TRIOBP: variants seen among roughly 807,000 people sequenced by gnomAD.
The protein encoded by TRIOBP is TRIO and F-actin binding protein.
A neutral mutation model predicts 238.8 loss-of-function variants in TRIOBP; 169 were observed. The ratio of observed to expected loss-of-function variants is 0.71; its 90% CI spans 0.62 to 0.80. The LOEUF (loss-of-function observed/expected upper bound fraction) is 0.80. Among genes scored for constraint, TRIOBP ranks in the 30% least tolerant of loss-of-function variants. The probability of loss-of-function intolerance (pLI) is 0.00; values close to 1 mark genes in which losing one functional copy is unlikely to be tolerated. For synonymous variants in TRIOBP, 1,150 were observed against 1,274.4 expected (o/e 0.90, Z 2.08); for missense variants, 2,838 against 3,122.6 (o/e 0.91, Z 2.17).
Position 37,754,907 on chromosome 22 carries a change from A to G in TRIOBP, c.5410A>G (p.Thr1804Ala), listed in dbSNP as rs752638945. The G allele has an allele frequency of 2.5e-6, 4 of 1,613,982 alleles. No individual in the cohort carries two copies. Among genetic ancestry groups the G allele is most frequent in the African/African-American group, 2.7e-5 (2 of 74,970 alleles). ...PPSPSLTTTS[T>A]SQWKKHWFVL... ...CTCCCCCTCGCTCACCACCACCTCT[A>G]CTTCGCAGTGGAAGAAACATTGGTT... Residue 1804 changes from threonine to alanine, a missense_variant, in exon 13 of 24, where the codon ACT becomes GCT. Physicochemically the swap from Thr to Ala is moderately conservative, Grantham distance 58. Transcript: ENST00000644935.
chr22:37,763,133 C>G (rs1926322527), intron 17 of TRIOBP, among the ~76,000 whole-genome samples: 1 of 152,282 alleles, frequency 6.6e-6, no homozygotes, highest in Admixed American at 6.5e-5. Flanking sequence ...TGGTCTGGCC[C>G]TCTTCAGAAG....
intron 11 of TRIOBP, among the ~76,000 whole-genome samples, chr22:37,742,150 G>A (rs966016096): frequency 2.0e-5 from 3 of 151,676 alleles, no homozygotes; most frequent in African/African-American, 7.3e-5. Context: ...GTACAGACAG[G>A]GTTTCACCAT....
intron 6 of TRIOBP, among the ~76,000 whole-genome samples, chr22:37,717,371 G>C (rs111443646): frequency 6.6e-6 from 1 of 152,178 alleles, no homozygotes; most frequent in Non-Finnish European, 1.5e-5. Context: ...AAGAGGACCC[G>C]AGCGGGTTGC....
chr22:37,759,531 A>G, intron 17 of TRIOBP: 1 of 1,604,408 alleles, frequency 6.2e-7, no homozygotes, highest in Non-Finnish European at 8.5e-7. Flanking sequence ...GATTTGAGCG[A>G]GGGTCCGGCT....
At chr22:37,746,595 C>T (rs907649487) in intron 11 of TRIOBP, among the ~76,000 whole-genome samples, 1 of 152,222 alleles carries the variant, frequency 6.6e-6, no homozygotes, top group Non-Finnish European at 1.5e-5. Flanking sequence ...CCGGCCTCAC[C>T]CTTCCCGCAG....
intron 21 of TRIOBP, among the ~76,000 whole-genome samples, chr22:37,770,298 C>T (rs529990702): frequency 2.0e-5 from 3 of 150,050 alleles, no homozygotes; most frequent in East Asian, 2.1e-4. Context: ...ATTACCCGGG[C>T]GTGGTGGCGG....
At chr22:37,710,663 A>G (rs1923190977) in intron 4 of TRIOBP, 97 bp downstream of exon 4, 1 of 1,478,578 alleles carries the variant, frequency 6.8e-7, no homozygotes, top group South Asian at 1.3e-5. Flanking sequence ...CCTGTCTCTA[A>G]TGGCTGCTGG....
intron 11 of TRIOBP, chr22:37,746,523 C>A: frequency 9.4e-7 from 1 of 1,063,078 alleles, no homozygotes; most frequent in Non-Finnish European, 1.2e-6. Context: ...TCCTCATTTC[C>A]CGAAGGCGAG....
At chr22:37,758,692 A>AG (rs1569058749) in intron 16 of TRIOBP, among the ~76,000 whole-genome samples, 1 of 149,712 alleles carries the variant, frequency 6.7e-6, no homozygotes. Flanking sequence ...TAAAAAAAAA[A>AG]AAGAAGAAGA....
chr22:37,742,511 C>T (rs1257450552), intron 11 of TRIOBP, among the ~76,000 whole-genome samples: 3 of 152,194 alleles, frequency 2.0e-5, no homozygotes, highest in East Asian at 1.9e-4. Flanking sequence ...GATCCGCCCG[C>T]CCTGGCCTCC....
chr22:37,755,190 C>T lies in TRIOBP; in HGVS notation c.5577C>T (p.His1859=), dbSNP rs576198824. The change falls in exon 14 of 24, where the codon CAC becomes CAT. Residue 1859 remains histidine, a splice_region_variant and synonymous_variant. Coordinates refer to ENST00000644935, the MANE Select transcript of TRIOBP (RefSeq NM_001039141.3). ...AGCGCAACTATGGCTTCCAGATCCA[C>T]GTGAGGCTGTGTGCAGCTTGGGGGC... The part of the protein sequence containing the change: ...AVQRNYGFQI[H]TKDAVYTLSA... 16 of 1,610,842 alleles carry T rather than the reference C, an allele frequency of 9.9e-6. No individual in the cohort carries two copies. The highest frequency in any genetic ancestry group is 1.7e-4 in the Middle Eastern group (1 of 6,056).
chr22:37,715,735 C>G (rs768699521), intron 5 of TRIOBP, 28 bp from the exon 6 acceptor site: 2 of 1,611,944 alleles, frequency 1.2e-6, no homozygotes, highest in African/African-American at 1.3e-5. Flanking sequence ...CTCCCGCAAA[C>G]ATACTTTCTC....
chr22:37,737,137 G>C (rs1302097869), intron 9 of TRIOBP, among the ~76,000 whole-genome samples: 1 of 152,324 alleles, frequency 6.6e-6, no homozygotes, highest in East Asian at 1.9e-4. Flanking sequence ...AGCTCAAGGA[G>C]GACACGGTGC....
At chr22:37,746,299 G>C in intron 11 of TRIOBP, 3 of 1,104,606 alleles carry the variant, frequency 2.7e-6, no homozygotes, top group Non-Finnish European at 3.3e-6. Flanking sequence ...GCGCGGCGGC[G>C]GGCGGCCGAG....
intron 11 of TRIOBP, chr22:37,746,489 C>G: frequency 1.6e-6 from 2 of 1,281,164 alleles, no homozygotes; most frequent in African/African-American, 3.1e-5. Context: ...CAGAGCCCAG[C>G]CTCTCCCCTC....
chr22:37,697,532 G>A (rs1297531352), intron 1 of TRIOBP, 56 bp from the exon 2 acceptor site: 4 of 152,000 alleles, frequency 2.6e-5, no homozygotes, highest in Admixed American at 2.0e-4. Flanking sequence ...AGGACCAGTG[G>A]GTAGCCCTCT....
At position 37,734,701 on chromosome 22, in the gene TRIOBP, C is replaced by T; in HGVS notation, c.4365C>T (p.Gly1455=). 1 of 1,607,038 alleles carries T rather than the reference C, an allele frequency of 6.2e-7. No individual in the cohort carries two copies. Among genetic ancestry groups the T allele is most frequent in the African/African-American group, 1.3e-5 (1 of 74,916 alleles). Residue 1455 remains glycine, a synonymous_variant, in exon 9 of 24, where the codon GGC becomes GGT. Transcript: ENST00000644935. ...GGAGCAGCCAGGAGGGAGGCCTGGG[C>T]CCTGGGGGCTGGTGGGGATGTGGAG... ...RSWSSQEGGL[G]PGGWWGCGEP...
chr22:37,734,719 A>G lies in TRIOBP; in HGVS notation c.4383A>G (p.Gly1461=). ...EGGLGPGGWW[G]CGEPSLGAAK... is the part of the protein sequence containing the mutation. ...GCCTGGGCCCTGGGGGCTGGTGGGGATGTGGAGAGCCCAGCCTGGGGGCAG... is the reference window on the plus strand; with the variant it reads ...GCCTGGGCCCTGGGGGCTGGTGGGGGTGTGGAGAGCCCAGCCTGGGGGCAG... The change falls in exon 9 of 24, where the codon GGA becomes GGG. Residue 1461 remains glycine (G), a synonymous_variant. Transcript: ENST00000644935. 1 of 1,609,168 alleles carries G rather than the reference A, an allele frequency of 6.2e-7. No homozygotes were observed. The highest frequency in any genetic ancestry group is 8.5e-7 in the Non-Finnish European group (1 of 1,178,318).
intron 18 of TRIOBP, among the ~76,000 whole-genome samples, chr22:37,766,687 G>A (rs1926509356): frequency 6.6e-6 from 1 of 152,254 alleles, no homozygotes; most frequent in Non-Finnish European, 1.5e-5. Context: ...GAGGCCCGGT[G>A]CAGTGGCTCA....
Sources: gnomAD v4.1 joint callset for allele counts (sites outside exome capture counted in the v4.1 genomes callset) on GRCh38, gnomAD v4.1.1 for gene constraint, MANE v1.5 for transcripts, NCBI Gene and HGNC (gene_info 2026-07-23, HGNC 2026-07-21) for gene names.